Variants in PHEX observed in about 807,000 individuals in gnomAD.
PHEX encodes the protein phosphate regulating endopeptidase X-linked.
Under a neutral mutation model 68.0 loss-of-function variants are expected in PHEX, and 16 were observed. The ratio of observed to expected loss-of-function variants is 0.24; its 90% CI spans 0.16 to 0.36. The LOEUF (loss-of-function observed/expected upper bound fraction) is 0.36. Ranked by LOEUF, PHEX falls within the 10% of genes least tolerant of loss-of-function variation. The probability of loss-of-function intolerance (pLI) is 1.00; values close to 1 mark genes in which losing one functional copy is unlikely to be tolerated. For synonymous variants in PHEX, 208 were observed against 205.1 expected (o/e 1.01, Z -0.12); for missense variants, 480 against 575.5 (o/e 0.83, Z 1.70).
chrX:22,237,557 C>A (rs1478412479), intron 20 of PHEX, among the ~76,000 whole-genome samples: 1 of 111,920 alleles, frequency 8.9e-6, no homozygotes, highest in Non-Finnish European at 1.9e-5. Flanking sequence ...TTTCTTCCTT[C>A]CACTATACAC....
intron 14 of PHEX, among the ~76,000 whole-genome samples, chrX:22,189,159 T>A (rs112015888): frequency 0.087 from 9,847 of 112,553 alleles, 1,050 homozygotes; most frequent in African/African-American, 0.3. Flanking sequence ...TGTACCACAT[T>A]TTCTTTATCC....
intron 3 of PHEX, among the ~76,000 whole-genome samples, chrX:22,054,521 G>T (rs974516504): frequency 1.2e-4 from 13 of 111,889 alleles, no homozygotes; most frequent in Non-Finnish European, 2.3e-4. Context: ...AGCATCCATT[G>T]TGGTGGGCTT....
At chrX:22,057,395 G>A (rs1332589752) in intron 3 of PHEX, among the ~76,000 whole-genome samples, 3 of 111,258 alleles carry the variant, frequency 2.7e-5, no homozygotes, top group African/African-American at 9.8e-5. Flanking sequence ...CTTGAAGCCA[G>A]GAGTTTGAGA....
intron 14 of PHEX, 66 bp from the exon 15 acceptor site, chrX:22,190,378 T>G: frequency 1.4e-6 from 1 of 732,975 alleles, no homozygotes; most frequent in East Asian, 3.2e-5. Context: ...ATGCTGTGTT[T>G]GTCTTTGCTT....
intron 12 of PHEX, among the ~76,000 whole-genome samples, chrX:22,144,561 A>G (rs948280746): frequency 9.0e-6 from 1 of 110,974 alleles, no homozygotes; most frequent in African/African-American, 3.3e-5. Flanking sequence ...TCATTTTACT[A>G]TGATTCCATC....
At chrX:22,039,657 A>G (rs1224520417) in intron 2 of PHEX, among the ~76,000 whole-genome samples, 1 of 112,164 alleles carries the variant, frequency 8.9e-6, no homozygotes, top group Non-Finnish European at 1.9e-5. Context: ...GGTTTAAGGA[A>G]TTTGGCTCAG....
intron 12 of PHEX, among the ~76,000 whole-genome samples, chrX:22,135,698 T>A (rs1012400127): frequency 8.9e-6 from 1 of 111,738 alleles, no homozygotes; most frequent in South Asian, 3.8e-4. Flanking sequence ...AGCAGGACTA[T>A]TCTCAGTTCT....
At chrX:22,191,724 C>T (rs1183790043) in intron 15 of PHEX, among the ~76,000 whole-genome samples, 1 of 112,070 alleles carries the variant, frequency 8.9e-6, no homozygotes, top group Non-Finnish European at 1.9e-5. Context: ...CCCTAGAGAA[C>T]TCTTGCACAA....
At chrX:22,082,908 T>C (rs1035151973) in intron 5 of PHEX, among the ~76,000 whole-genome samples, 1 of 112,158 alleles carries the variant, frequency 8.9e-6, no homozygotes, top group African/African-American at 3.2e-5. Context: ...AAAGCAATCC[T>C]AAGCAAAAAG....
chrX:22,168,826 C>T (rs1602354809), intron 13 of PHEX, among the ~76,000 whole-genome samples: 1 of 111,821 alleles, frequency 8.9e-6, no homozygotes, highest in South Asian at 3.7e-4. Context: ...AGTGTTTTGG[C>T]AAATTAAATG....
intron 3 of PHEX, among the ~76,000 whole-genome samples, chrX:22,053,341 C>A (rs1365566534): frequency 8.9e-6 from 1 of 111,763 alleles, no homozygotes; most frequent in Non-Finnish European, 1.9e-5. Flanking sequence ...TACGGCTGTC[C>A]AATTTGTGAA....
At chrX:22,243,040 G>C (rs776633734) in intron 20 of PHEX, among the ~76,000 whole-genome samples, 4 of 111,882 alleles carry the variant, frequency 3.6e-5, no homozygotes, top group African/African-American at 9.8e-5. Context: ...TTACTGCAAG[G>C]CTGCGGTAAC....
chrX:22,225,691 T>TTTTGA (rs1935470722), intron 18 of PHEX, among the ~76,000 whole-genome samples: 1 of 112,542 alleles, frequency 8.9e-6, no homozygotes. Context: ...ATTATTCTTC[T>TTTTGA]TTTGATTTTT....
At chrX:22,147,066 T>C (rs1932732667) in intron 12 of PHEX, among the ~76,000 whole-genome samples, 1 of 110,861 alleles carries the variant, frequency 9.0e-6, no homozygotes, top group African/African-American at 3.3e-5. Flanking sequence ...CGGAGAGAGA[T>C]GCCTCTTAAG....
intron 20 of PHEX, among the ~76,000 whole-genome samples, chrX:22,231,044 T>A (rs1322736109): frequency 8.9e-6 from 1 of 112,215 alleles, no homozygotes; most frequent in Non-Finnish European, 1.9e-5. Context: ...ATCATGTGGT[T>A]TTTGTCATTG....
intron 5 of PHEX, 67 bp from the exon 6 acceptor site, chrX:22,090,362 C>A: frequency 1.1e-6 from 1 of 879,325 alleles, no homozygotes; most frequent in Non-Finnish European, 1.7e-6. Flanking sequence ...GATTTCATCA[C>A]TCTTGTTAAC....
At chrX:22,208,667 A>T (rs1322362738) in intron 15 of PHEX, among the ~76,000 whole-genome samples, 2 of 112,096 alleles carry the variant, frequency 1.8e-5, no homozygotes, top group Non-Finnish European at 3.8e-5. Flanking sequence ...ATTGACTCAT[A>T]AACTGAGGAT....
Position 22,221,892 on chromosome X carries a change from T to C in PHEX, c.1899+149T>C, listed in dbSNP as rs1602405538. 4 of 541,034 alleles carry C rather than the reference T, an allele frequency of 7.4e-6. No homozygotes were observed. In the East Asian group the frequency reaches 1.4e-4, roughly 19 times the overall value. 44.6% of individuals were successfully genotyped at this position (541,034 alleles called of 1,213,427 possible). A position where few individuals can be genotyped will look rare whatever the true frequency, so the allele number is the denominator to read the frequency against. On this transcript the variant is annotated intron_variant, in intron 18 of 21. Coordinates refer to ENST00000379374, the MANE Select transcript of PHEX (RefSeq NM_000444.6). Reference sequence around the variant, plus strand: ...GGGAACATTCTTGAGTCCTACCCCATACCTGCTGAATCAGAATCTTTGGGG... The same window carrying C: ...GGGAACATTCTTGAGTCCTACCCCACACCTGCTGAATCAGAATCTTTGGGG...
chrX:22,056,811 C>G (rs1928134175), intron 3 of PHEX, among the ~76,000 whole-genome samples: 2 of 106,591 alleles, frequency 1.9e-5, no homozygotes, highest in African/African-American at 6.8e-5. Flanking sequence ...ATAATGTCCC[C>G]TAGACTATCC....
Sources: allele counts gnomAD v4.1 joint callset (sites outside exome capture counted in the v4.1 genomes callset), GRCh38; gene constraint gnomAD v4.1.1; transcripts MANE v1.5; gene names NCBI Gene and HGNC (gene_info 2026-07-23, HGNC 2026-07-21).